RAI1: variants seen among roughly 807,000 people sequenced by gnomAD.
The protein encoded by RAI1 is retinoic acid induced 1.
A neutral mutation model predicts 123.8 loss-of-function variants in RAI1; 9 were observed. The ratio of observed to expected loss-of-function variants is 0.07; its 90% CI spans 0.04 to 0.13. RAI1 has a LOEUF of 0.13. RAI1 is among the 10% of genes least tolerant of loss of function. RAI1 has a pLI of 1.00. For synonymous variants in RAI1, 1,231 were observed against 1,127.3 expected, an observed-to-expected ratio of 1.09 and a Z score of -1.84; for missense variants, 2,256 against 2,545.8, an observed-to-expected ratio of 0.89 and a Z score of 2.45.
At chr17:17,701,952 A>G (rs1320171766) in intron 1 of RAI1, among the ~76,000 whole-genome samples, 1 of 152,234 alleles carries the variant, frequency 6.6e-6, no homozygotes, top group African/African-American at 2.4e-5. Flanking sequence ...TCGGGGAGGC[A>G]GCGCTCGAAA....
intron 2 of RAI1, among the ~76,000 whole-genome samples, chr17:17,733,039 C>T (rs1007354751): frequency 3.3e-5 from 5 of 152,212 alleles, no homozygotes; most frequent in Admixed American, 3.3e-4. Context: ...GGGCCACACA[C>T]CCACAGGGCA....
At chr17:17,704,126 A>G (rs985928222) in intron 1 of RAI1, among the ~76,000 whole-genome samples, 2 of 152,180 alleles carry the variant, frequency 1.3e-5, no homozygotes, top group Non-Finnish European at 2.9e-5. Context: ...GCTTGCCAGG[A>G]AAGTGGAGTG....
At chr17:17,707,152 A>G (rs1915419207) in intron 1 of RAI1, among the ~76,000 whole-genome samples, 3 of 152,214 alleles carry the variant, frequency 2.0e-5, no homozygotes, top group Admixed American at 2.0e-4. Context: ...TCTACAAAAA[A>G]TACATAAATT....
At chr17:17,695,571 G>A (rs1225679812) in intron 1 of RAI1, among the ~76,000 whole-genome samples, 1 of 150,636 alleles carries the variant, frequency 6.6e-6, no homozygotes, top group Non-Finnish European at 1.5e-5. Context: ...TTGTCGCCCA[G>A]GCTGTAGTGC....
intron 2 of RAI1, among the ~76,000 whole-genome samples, chr17:17,757,608 A>AT (rs201607995): frequency 2.1e-4 from 32 of 150,772 alleles, no homozygotes; most frequent in African/African-American, 6.6e-4. Context: ...TTCTCGGAGG[A>AT]TTTTTTTTTC....
chr17:17,702,526 G>A (rs1161734392), intron 1 of RAI1, among the ~76,000 whole-genome samples: 1 of 152,204 alleles, frequency 6.6e-6, no homozygotes, highest in Non-Finnish European at 1.5e-5. Context: ...GTCCCCAGAT[G>A]TCCTTGCAGA....
Position 17,801,932 on chromosome 17 carries a change from C to G in RAI1, c.5566-1824C>G. 5.1e-6 allele frequency: 2 copies of G among 394,050 alleles called. No homozygotes were observed. The highest frequency in any genetic ancestry group is 1.0e-5 in the Non-Finnish European group (2 of 195,088). The allele number at this position is 394,050 out of a possible 1,614,324, so 24.4% of individuals were successfully genotyped here. A position where few individuals can be genotyped will look rare whatever the true frequency, so the allele number is the denominator to read the frequency against. On this transcript the variant is annotated intron_variant, in intron 3 of 5. Transcript: ENST00000353383. This position sits in a 1 kb window ranked among gnomAD's most constrained non-coding sequence, Gnocchi z 4.1. ...GTTGCTGTGGGCATGAGGCTTCCAG[C>G]CATGCCTGGCACATAGGAAGCTATT...
chr17:17,731,774 C>A (rs184590217), intron 2 of RAI1, among the ~76,000 whole-genome samples: 1 of 152,290 alleles, frequency 6.6e-6, no homozygotes, highest in Admixed American at 6.5e-5. Context: ...ATCTCCCCAA[C>A]CTCTTGCCTA....
chr17:17,758,225 G>A (rs900125080), intron 2 of RAI1, among the ~76,000 whole-genome samples: 3 of 152,202 alleles, frequency 2.0e-5, no homozygotes, highest in Non-Finnish European at 4.4e-5. Context: ...TGGCAGGGCC[G>A]CCACAAGCCC....
intron 2 of RAI1, among the ~76,000 whole-genome samples, chr17:17,726,220 G>C (rs977423410): frequency 6.6e-6 from 1 of 152,204 alleles, no homozygotes; most frequent in African/African-American, 2.4e-5. Context: ...CCATGGGTCT[G>C]GGGTAGAGGG....
Position 17,793,369 on chromosome 17 carries a change from T to C in RAI1, c.421T>C (p.Tyr141His). The change falls in exon 3 of 6, where the codon TAT becomes CAT. Residue 141 changes from tyrosine (Y) to histidine (H), a missense_variant. Tyr to His is a moderately conservative substitution (Grantham distance 83, BLOSUM62 2). Transcript: ENST00000353383. ...PQPLPAGVAK[Y>H]DENLMKKTAV... is the part of the protein sequence containing the mutation. The stretch of plus-strand genomic sequence containing the variant: ...GCCACTACCTGCAGGGGTGGCCAAG[T>C]ATGATGAGAACTTGATGAAAAAGAC... The C allele has an allele frequency of 6.2e-7, 1 of 1,613,094 alleles. No homozygotes were observed. Among genetic ancestry groups the C allele is most frequent in the Non-Finnish European group, 8.5e-7 (1 of 1,179,862 alleles).
At chr17:17,789,404 G>T (rs2031936214) in intron 2 of RAI1, among the ~76,000 whole-genome samples, 1 of 152,242 alleles carries the variant, frequency 6.6e-6, no homozygotes, top group Non-Finnish European at 1.5e-5. Flanking sequence ...TAGATTTCTG[G>T]AGGGAAAGGG....
chr17:17,791,286 G>A (rs1299848255), intron 2 of RAI1, among the ~76,000 whole-genome samples: 1 of 152,210 alleles, frequency 6.6e-6, no homozygotes, highest in East Asian at 1.9e-4. Context: ...GGCAGATGGA[G>A]GCCCTCTGTC....
chr17:17,807,697 T>C (rs1255886241), intron 4 of RAI1, among the ~76,000 whole-genome samples: 1 of 152,230 alleles, frequency 6.6e-6, no homozygotes, highest in African/African-American at 2.4e-5. Context: ...AGTTTGGAAG[T>C]GGCGACCTCC....
chr17:17,775,227 A>G (rs2031296987), intron 2 of RAI1, among the ~76,000 whole-genome samples: 1 of 139,442 alleles, frequency 7.2e-6, no homozygotes, highest in African/African-American at 2.7e-5. Context: ...TTTTTGAGAC[A>G]GGGTCTTGCT....
At chr17:17,719,257 T>G (rs1452348703) in intron 1 of RAI1, among the ~76,000 whole-genome samples, 2 of 152,120 alleles carry the variant, frequency 1.3e-5, no homozygotes, top group Non-Finnish European at 2.9e-5. Flanking sequence ...AGAGCCAAAG[T>G]CCCTACAATG....
At chr17:17,682,131 G>C (rs973029363) in intron 1 of RAI1, among the ~76,000 whole-genome samples, 3 of 150,788 alleles carry the variant, frequency 2.0e-5, no homozygotes, top group Admixed American at 6.6e-5. Flanking sequence ...GCCGAGGCGC[G>C]GAGTCTTTGC....
At chr17:17,737,225 G>A (rs1916458934) in intron 2 of RAI1, among the ~76,000 whole-genome samples, 1 of 152,194 alleles carries the variant, frequency 6.6e-6, no homozygotes, top group Non-Finnish European at 1.5e-5. Flanking sequence ...TTCTGAAGAT[G>A]AGGGGGTCAT....
rs1452317172 is a variant in RAI1, at chr17:17,809,842, GGAGAC to G, written c.5710-127_5710-123del. On this transcript the variant is annotated intron_variant, in intron 5 of 5. Transcript: ENST00000353383. The surrounding 1 kb of genome is among the most constrained non-coding windows in gnomAD (Gnocchi z 4.9). The stretch of plus-strand genomic sequence containing the variant: ...AGGGGTGGTGCCGACGGCCTCGGGC[GGAGAC>G]CCCAGCCGCGCTCTGGGGTCGCCTG... 3,132 of 1,342,090 alleles carry G rather than the reference GGAGAC, an allele frequency of 2.3e-3. 12 individuals carry two copies. In the Middle Eastern group the frequency reaches 0.026, roughly 11 times the overall value. 83.1% of individuals were successfully genotyped at this position (1,342,090 alleles called of 1,614,324 possible).
Sources: gnomAD v4.1 joint callset for allele counts (sites outside exome capture counted in the v4.1 genomes callset) on GRCh38, gnomAD v4.1.1 for gene constraint, Gnocchi (gnomAD v3.1) non-coding constraint, MANE v1.5 for transcripts, NCBI Gene and HGNC (gene_info 2026-07-23, HGNC 2026-07-21) for gene names.